The following SGCZ variants were observed in gnomAD, a reference collection of about 807,000 sequenced individuals.
SGCZ encodes the protein sarcoglycan zeta.
Under a neutral mutation model 41.3 loss-of-function variants are expected in SGCZ, and 40 were observed. The ratio of observed to expected loss-of-function variants is 0.97; its 90% CI spans 0.75 to 1.26. SGCZ has a LOEUF of 1.26. Ranked by LOEUF, SGCZ falls within the 50% of genes most tolerant of loss-of-function variation. SGCZ has a pLI of 0.00. For synonymous variants in SGCZ, 206 were observed against 137.5 expected, an observed-to-expected ratio of 1.50 and a Z score of -3.49; for missense variants, 552 against 369.8, an observed-to-expected ratio of 1.49 and a Z score of -4.04.
chr8:14,998,042 C>G (rs1029825383), intron 1 of SGCZ, among the ~76,000 whole-genome samples: 1 of 152,150 alleles, frequency 6.6e-6, no homozygotes, highest in African/African-American at 2.4e-5. Flanking sequence ...GTGTTCCTCC[C>G]TTTTGTCAGA....
intron 1 of SGCZ, among the ~76,000 whole-genome samples, chr8:14,602,169 TA>T (rs1433027123): frequency 6.6e-6 from 1 of 152,028 alleles, no homozygotes; most frequent in African/African-American, 2.4e-5. Flanking sequence ...ATGATGTGGA[TA>T]TATGGTAATT....
At chr8:14,930,404 C>G (rs1401897087) in intron 1 of SGCZ, among the ~76,000 whole-genome samples, 2 of 152,016 alleles carry the variant, frequency 1.3e-5, no homozygotes, top group East Asian at 3.9e-4. Flanking sequence ...TAAATTAGTT[C>G]AACCATTGTG....
intron 1 of SGCZ, among the ~76,000 whole-genome samples, chr8:15,096,689 T>C (rs1299518032): frequency 6.6e-6 from 1 of 152,098 alleles, no homozygotes; most frequent in Non-Finnish European, 1.5e-5. Context: ...TTTTATTTTA[T>C]TTTATTTTAT....
chr8:14,999,303 T>C (rs797005432), intron 1 of SGCZ, among the ~76,000 whole-genome samples: 9 of 152,306 alleles, frequency 5.9e-5, no homozygotes, highest in African/African-American at 2.2e-4. Flanking sequence ...TACACATTAA[T>C]ACTTGCTGAG....
intron 1 of SGCZ, among the ~76,000 whole-genome samples, chr8:15,186,912 G>A (rs1056463906): frequency 2.0e-5 from 3 of 152,084 alleles, no homozygotes; most frequent in African/African-American, 4.8e-5. Flanking sequence ...CAACAGCAAT[G>A]CCTCTGAATG....
chr8:14,273,388 G>A (rs966804222), intron 3 of SGCZ, among the ~76,000 whole-genome samples: 3 of 151,944 alleles, frequency 2.0e-5, no homozygotes, highest in East Asian at 1.9e-4. Flanking sequence ...CTCTCTTTCT[G>A]AAATGACTGT....
chr8:14,280,026 A>G (rs1344475729), intron 3 of SGCZ, among the ~76,000 whole-genome samples: 1 of 152,000 alleles, frequency 6.6e-6, no homozygotes, highest in Non-Finnish European at 1.5e-5. Context: ...TTTGAATGGT[A>G]GGAGTCAAAT....
At chr8:14,666,372 G>T (rs1353085257) in intron 1 of SGCZ, among the ~76,000 whole-genome samples, 1 of 152,148 alleles carries the variant, frequency 6.6e-6, no homozygotes, top group African/African-American at 2.4e-5. Context: ...TTAAAAATCT[G>T]TCCTGCAAGT....
chr8:14,784,544 A>G (rs1250427898), intron 1 of SGCZ, among the ~76,000 whole-genome samples: 2 of 152,042 alleles, frequency 1.3e-5, no homozygotes, highest in Non-Finnish European at 2.9e-5. Context: ...TTACTAATTA[A>G]GAAGAGTTTT....
chr8:15,042,051 T>C (rs1229231167), intron 1 of SGCZ, among the ~76,000 whole-genome samples: 1 of 152,144 alleles, frequency 6.6e-6, no homozygotes, highest in Non-Finnish European at 1.5e-5. Flanking sequence ...TTCTCTTCTC[T>C]TTTTTTGCAG....
intron 1 of SGCZ, among the ~76,000 whole-genome samples, chr8:14,589,873 A>T (rs1419745006): frequency 1.3e-5 from 2 of 152,168 alleles, no homozygotes; most frequent in African/African-American, 4.8e-5. Flanking sequence ...GCCCAACTAG[A>T]TATGGCACTG....
intron 1 of SGCZ, among the ~76,000 whole-genome samples, chr8:15,137,924 G>C (rs1292638062): frequency 6.6e-6 from 1 of 152,136 alleles, no homozygotes; most frequent in Non-Finnish European, 1.5e-5. Context: ...ACCCCAGAAT[G>C]GTAGATCCAC....
At chr8:14,652,541 G>C (rs1279077322) in intron 1 of SGCZ, among the ~76,000 whole-genome samples, 1 of 151,964 alleles carries the variant, frequency 6.6e-6, no homozygotes, top group Non-Finnish European at 1.5e-5. Context: ...GCTGCAATTT[G>C]TTCAGTGAAT....
At chr8:15,086,541 T>C (rs1805956031) in intron 1 of SGCZ, among the ~76,000 whole-genome samples, 1 of 152,196 alleles carries the variant, frequency 6.6e-6, no homozygotes, top group South Asian at 2.1e-4. Flanking sequence ...ATGCAATATT[T>C]GAAGTGATAG....
At chr8:14,637,021 T>G (rs1192293492) in intron 1 of SGCZ, among the ~76,000 whole-genome samples, 3 of 151,870 alleles carry the variant, frequency 2.0e-5, no homozygotes, top group Non-Finnish European at 4.4e-5. Flanking sequence ...TTTCTACTTC[T>G]GGCCTTCATT....
chr8:14,207,412 T>C (rs1805651888), intron 4 of SGCZ, among the ~76,000 whole-genome samples: 2 of 152,192 alleles, frequency 1.3e-5, no homozygotes, highest in East Asian at 1.9e-4. Flanking sequence ...ATCCATCTTA[T>C]TGCAAACATA....
At chr8:14,594,218 AAATAAAT>A (rs1805334459) in intron 1 of SGCZ, among the ~76,000 whole-genome samples, 17 of 146,952 alleles carry the variant, frequency 1.2e-4, no homozygotes, top group Admixed American at 1.2e-3. Flanking sequence ...ATAAATAAAT[AAATAAAT>A]AAAATAAAAC....
chr8:14,635,938 A>C (rs1806813591), intron 1 of SGCZ, among the ~76,000 whole-genome samples: 1 of 151,966 alleles, frequency 6.6e-6, no homozygotes, highest in Admixed American at 6.6e-5. Context: ...GCTGTGAGTT[A>C]ATATAGTAGG....
At chr8:14,358,411 C>G (rs1035106218) in intron 2 of SGCZ, among the ~76,000 whole-genome samples, 5 of 152,054 alleles carry the variant, frequency 3.3e-5, no homozygotes, top group African/African-American at 1.2e-4. Flanking sequence ...ATGTTGTCAT[C>G]AATCATCTCA....
Sources: allele counts gnomAD v4.1 joint callset (sites outside exome capture counted in the v4.1 genomes callset), GRCh38; gene constraint gnomAD v4.1.1; transcripts MANE v1.5; gene names NCBI Gene and HGNC (gene_info 2026-07-23, HGNC 2026-07-21).